Variants in LRRC74B observed in about 807,000 individuals in gnomAD.
LRRC74B encodes the protein leucine rich repeat containing 74B, also known as leucine-rich repeat-containing protein 74B.
In LRRC74B, 30 loss-of-function variants were observed where a neutral mutation model predicts 16.6. The observed-to-expected ratio is 1.80, with a 90% CI of 1.35 to 2.45. The LOEUF (loss-of-function observed/expected upper bound fraction) is 2.45. Among genes scored for constraint, LRRC74B ranks in the 30% most tolerant of loss-of-function variants. The pLI is 0.00. For missense variants in LRRC74B, 326 were observed against 202.4 expected (o/e 1.61, Z -3.71); for synonymous variants, 134 against 86.0 (o/e 1.56, Z -3.09).
chr22:21,064,155 T>TAATGTATAG (rs1343326320), downstream of LRRC74B: 3 of 152,360 alleles, frequency 2.0e-5, no homozygotes, highest in African/African-American at 7.2e-5. Flanking sequence ...ATACAAAGAA[T>TAATGTATAG]AATGTATAGA....
At position 21,047,044 on chromosome 22, in the gene LRRC74B, G is replaced by A. The variant is rs1929503762; in HGVS notation, c.140-312G>A. On this transcript the variant is annotated intron_variant, in intron 1 of 8. Coordinates refer to ENST00000442047, the Ensembl canonical transcript of LRRC74B. ...GGAGGCAGAGGTTTCAGTGAGCCGA[G>A]ATCGTGCCACTGCATTCCAGCCTGG... Among the ~76,000 whole-genome samples the A allele has an allele frequency of 2.0e-5, 3 of 151,112 alleles. 1 individual carries two copies. The South Asian group carries it at 6.3e-4, about 32-fold the overall frequency.
At chr22:21,046,152 C>T (rs546846601) in intron 1 of LRRC74B, 27 bp downstream of exon 1, 146 of 715,232 alleles carry the variant, frequency 2.0e-4, no homozygotes, top group Admixed American at 4.6e-4. Flanking sequence ...GCAGGCCCGA[C>T]TCCTCCCCTT....
chr22:21,063,475 G>A (rs1930907132), downstream of LRRC74B: 1 of 152,090 alleles, frequency 6.6e-6, no homozygotes. Context: ...CCCAAGGTGG[G>A]AGGATCACTT....
intron 1 of LRRC74B, among the ~76,000 whole-genome samples, chr22:21,046,817 T>TG (rs1335182873): frequency 3.3e-5 from 5 of 151,876 alleles, no homozygotes; most frequent in Admixed American, 6.6e-5. Flanking sequence ...TTTGGCTGGG[T>TG]GGGGTGGCTC....
chr22:21,053,429 G>T (rs926085351), exon 6 of LRRC74B: 5 of 717,240 alleles, frequency 7.0e-6, no homozygotes, highest in African/African-American at 5.2e-5. Context: ...CTCTGCGGTG[G>T]GTGAGGCTCT....
At chr22:21,053,224 C>T (rs2148151921) in intron 5 of LRRC74B, 136 bp from the exon 6 acceptor site, 1 of 599,192 alleles carries the variant, frequency 1.7e-6, no homozygotes, top group Middle Eastern at 3.3e-4. Context: ...TTTCCTGACC[C>T]TTCCTTGGAG....
At chr22:21,061,895 T>C (rs2148168513), downstream of LRRC74B, 1 of 152,280 alleles carries the variant, frequency 6.6e-6, no homozygotes. Context: ...GAATTTGAGG[T>C]GATACCAATG....
downstream of LRRC74B, among the ~76,000 whole-genome samples, chr22:21,061,451 C>T (rs577218405): frequency 7.0e-4 from 106 of 152,294 alleles, 4 homozygotes; most frequent in South Asian, 0.021. Flanking sequence ...GAACACTTAA[C>T]CATTCATGAA....
chr22:21,046,230 C>T (rs12170567), intron 1 of LRRC74B, 105 bp downstream of exon 1: 41,547 of 634,390 alleles, frequency 0.065, 1,658 homozygotes, highest in Non-Finnish European at 0.08. Context: ...AACGTACCCG[C>T]CTGCGGGGCG....
intron 8 of LRRC74B, among the ~76,000 whole-genome samples, chr22:21,057,469 G>T (rs1264110755): frequency 6.6e-6 from 1 of 151,498 alleles, no homozygotes; most frequent in Non-Finnish European, 1.5e-5. Flanking sequence ...GTCTGGGCAT[G>T]ATGCTCCCTA....
intron 3 of LRRC74B, 102 bp downstream of exon 3, chr22:21,048,118 G>A (rs1399594333): frequency 1.4e-6 from 1 of 692,924 alleles, no homozygotes; most frequent in East Asian, 2.7e-5. Context: ...GGGCCTGCTG[G>A]TGTTGCTGGT....
chr22:21,054,383 T>C (rs1248751462), intron 6 of LRRC74B, among the ~76,000 whole-genome samples: 2 of 152,222 alleles, frequency 1.3e-5, no homozygotes, highest in Non-Finnish European at 2.9e-5. Flanking sequence ...GAGCATGCCC[T>C]GTGTGAGGGG....
intron 6 of LRRC74B, among the ~76,000 whole-genome samples, chr22:21,054,690 A>T (rs979622659): frequency 1.3e-5 from 2 of 152,202 alleles, no homozygotes; most frequent in African/African-American, 4.8e-5. Context: ...TCCGGAGACA[A>T]AGTGGTCCAG....
intron 7 of LRRC74B, among the ~76,000 whole-genome samples, chr22:21,056,281 C>T (rs190362920): frequency 4.6e-5 from 7 of 152,144 alleles, no homozygotes; most frequent in Non-Finnish European, 7.3e-5. Flanking sequence ...GCAGGCAGAT[C>T]GCTTGAGGTC....
rs182604804 is a variant in LRRC74B, at chr22:21,048,030, C to A, written c.415+14C>A. ...GCAGCATCCATGGTAGGTGCTGGGT[C>A]TGGGGCAGGTGGGCAGGCGTGTCCT... On this transcript the variant is annotated intron_variant, in intron 3 of 8. Transcript: ENST00000442047. 1.0e-4 allele frequency: 73 copies of A among 717,060 alleles called. No homozygotes were observed. The highest frequency in any genetic ancestry group is 1.4e-4 in the Admixed American group (7 of 49,992). 44.4% of individuals were successfully genotyped at this position (717,060 alleles called of 1,614,324 possible).
At chr22:21,046,079 C>A (rs748465053) in exon 1 of LRRC74B, 1 of 717,394 alleles carries the variant, frequency 1.4e-6, no homozygotes, top group South Asian at 1.5e-5. Flanking sequence ...TCCCCGAGGC[C>A]GAGCAGGGTC....
intron 8 of LRRC74B, 77 bp from the exon 9 acceptor site, chr22:21,060,296 C>T (rs1930747497): frequency 1.6e-6 from 1 of 632,834 alleles, no homozygotes; most frequent in African/African-American, 1.8e-5. Flanking sequence ...TTCTCTGAGA[C>T]CTTGCGTGTG....
At chr22:21,052,029 G>A (rs1402043429) in intron 4 of LRRC74B, among the ~76,000 whole-genome samples, 2 of 151,844 alleles carry the variant, frequency 1.3e-5, no homozygotes, top group South Asian at 2.1e-4. Context: ...CTGTTCTCAC[G>A]CCTCCCCCTT....
At chr22:21,058,753 T>G (rs1930670358) in intron 8 of LRRC74B, among the ~76,000 whole-genome samples, 1 of 152,194 alleles carries the variant, frequency 6.6e-6, no homozygotes, top group Non-Finnish European at 1.5e-5. Context: ...GGATCTGTCA[T>G]TCTAAAAGAA....
Sources: gnomAD v4.1 joint callset for allele counts (sites outside exome capture counted in the v4.1 genomes callset) on GRCh38, gnomAD v4.1.1 for gene constraint, MANE v1.5 for transcripts, NCBI Gene and HGNC (gene_info 2026-07-23, HGNC 2026-07-21) for gene names.